Variants in KHDC4 observed in about 807,000 individuals in gnomAD.
KHDC4 encodes KH domain containing 4, pre-mRNA splicing factor, also known as KH homology domain-containing protein 4.
A neutral mutation model predicts 74.5 loss-of-function variants in KHDC4; 19 were observed. That is an observed-to-expected ratio of 0.26 (90% CI 0.18 to 0.37). KHDC4 has a LOEUF of 0.37. Ranked by LOEUF, KHDC4 falls within the 10% of genes least tolerant of loss-of-function variation. The pLI, the probability that KHDC4 is intolerant of heterozygous loss-of-function variation, is 1.00. For synonymous variants in KHDC4, 253 were observed against 266.1 expected (o/e 0.95, Z 0.48); for missense variants, 632 against 754.1 (o/e 0.84, Z 1.90).
intron 7 of KHDC4, among the ~76,000 whole-genome samples, chr1:155,924,574 CTTTTTT>C (rs550965042): frequency 7.6e-6 from 1 of 132,292 alleles, no homozygotes; most frequent in African/African-American, 2.8e-5. Flanking sequence ...AATAATTTCT[CTTTTTT>C]TTTTTTTTTT....
chr1:155,926,983 C>T (rs1377083124), intron 5 of KHDC4, 121 bp downstream of exon 5: 5 of 1,302,276 alleles, frequency 3.8e-6, no homozygotes, highest in South Asian at 1.2e-5. Context: ...CATACAAATT[C>T]GTGTATAGTT....
chr1:155,921,927 G>A lies in KHDC4; in HGVS notation c.955-9C>T. On this transcript the variant is annotated splice_polypyrimidine_tract_variant and intron_variant, in intron 8 of 13. Transcript: ENST00000368321. Reference sequence around the variant, plus strand: ...GAGTATTCAGCATGAACCTGAAAGAGAGGGGGAAACAAATTAACATGGGAC... The same window carrying A: ...GAGTATTCAGCATGAACCTGAAAGAAAGGGGGAAACAAATTAACATGGGAC... 3 of 1,595,368 alleles carry A rather than the reference G, an allele frequency of 1.9e-6. No individual in the cohort carries two copies. The highest frequency in any genetic ancestry group is 2.6e-6 in the Non-Finnish European group (3 of 1,164,250).
chr1:155,913,526 A>T lies in KHDC4; in HGVS notation c.*595T>A, dbSNP rs1477714841. 1.3e-5 allele frequency: 2 copies of T among 152,526 alleles called. No individual in the cohort carries two copies. Among genetic ancestry groups the T allele is most frequent in the Non-Finnish European group, 2.9e-5 (2 of 68,172 alleles). 9.4% of individuals were successfully genotyped at this position (152,526 alleles called of 1,614,324 possible). A position where few individuals can be genotyped will look rare whatever the true frequency, so the allele number is the denominator to read the frequency against. On this transcript the variant is annotated 3_prime_UTR_variant, in exon 14 of 14. Transcript: ENST00000368321. ...CAGCTTTGGATCACCCCAATTAAAA[A>T]ACACAATGAAAAAATAATTTCATTT...
intron 10 of KHDC4, among the ~76,000 whole-genome samples, chr1:155,918,971 G>GTTTTTTTTTTTTTTTTTTTTTTTTTTTT (rs66693073): frequency 9.3e-6 from 1 of 107,444 alleles, no homozygotes. Context: ...CTAACTCCCA[G>GTTTTTTTTTTTTTTTTTTTTTTTTTTTT]TTTTTTTTTT....
chr1:155,915,967 A>G lies in KHDC4; in HGVS notation c.1554-3T>C. 6.4e-7 allele frequency: 1 copy of G among 1,559,328 alleles called. No individual in the cohort carries two copies. The highest frequency in any genetic ancestry group is 1.2e-5 in the South Asian group (1 of 84,260). ...AGGCTGGTGGAGGCATCAACTGCCT[A>G]TTGAAAAACAAAATGAAACTTTCTT... is the stretch of plus-strand genomic sequence containing the variant. On this transcript the variant is annotated splice_region_variant and splice_polypyrimidine_tract_variant and intron_variant, in intron 12 of 13. Coordinates refer to ENST00000368321, the MANE Select transcript of KHDC4 (RefSeq NM_014949.4).
At chr1:155,931,049 C>T (rs1674130167) in intron 2 of KHDC4, among the ~76,000 whole-genome samples, 1 of 151,726 alleles carries the variant, frequency 6.6e-6, no homozygotes, top group Non-Finnish European at 1.5e-5. Flanking sequence ...AGGCTGGGAC[C>T]GGTGGCTCAC....
At chr1:155,933,547 G>A in intron 2 of KHDC4, 86 bp downstream of exon 2, 1 of 1,045,966 alleles carries the variant, frequency 9.6e-7, no homozygotes, top group Non-Finnish European at 1.4e-6. Flanking sequence ...GCCTCCCAAA[G>A]TGCTGGGATT....
intron 2 of KHDC4, 44 bp from the exon 3 acceptor site, chr1:155,929,884 T>TAA: frequency 7.4e-7 from 1 of 1,349,198 alleles, no homozygotes; most frequent in Non-Finnish European, 9.9e-7. Context: ...TATGATGAGA[T>TAA]AAAGTCTATT....
chr1:155,917,358 T>C, intron 11 of KHDC4, 141 bp downstream of exon 11: 2 of 737,274 alleles, frequency 2.7e-6, no homozygotes, highest in Non-Finnish European at 4.6e-6. Context: ...GTCTGTTGAA[T>C]AGGATAAAAA....
At chr1:155,916,929 G>T (rs947606006) in intron 11 of KHDC4, 192 bp from the exon 12 acceptor site, 1 of 480,036 alleles carries the variant, frequency 2.1e-6, no homozygotes, top group East Asian at 3.5e-5. Context: ...ATAGGACTTG[G>T]ACAGGGGTGT....
chr1:155,923,853 T>C, intron 7 of KHDC4, among the ~76,000 whole-genome samples, 166 bp from the exon 8 acceptor site: 1 of 152,208 alleles, frequency 6.6e-6, no homozygotes, highest in East Asian at 1.9e-4. Flanking sequence ...CATAAGTCTT[T>C]TAAGATATAA....
intron 7 of KHDC4, among the ~76,000 whole-genome samples, chr1:155,924,631 T>C (rs113498767): frequency 6.7e-6 from 1 of 149,716 alleles, no homozygotes; most frequent in Admixed American, 6.8e-5. Flanking sequence ...TGGAGTGCAA[T>C]GGAGCAGTCT....
intron 7 of KHDC4, among the ~76,000 whole-genome samples, chr1:155,924,879 T>C (rs549346351): frequency 6.6e-6 from 1 of 151,556 alleles, no homozygotes; most frequent in African/African-American, 2.4e-5. Context: ...TGGTTTTTTT[T>C]TTAAGACAGG....
At chr1:155,930,824 G>T (rs1674124851) in intron 2 of KHDC4, among the ~76,000 whole-genome samples, 1 of 152,110 alleles carries the variant, frequency 6.6e-6, no homozygotes, top group African/African-American at 2.4e-5. Context: ...TGATCAGCCT[G>T]GTCAACATGG....
chr1:155,931,315 AAGAC>A (rs952795423), intron 2 of KHDC4, among the ~76,000 whole-genome samples: 3 of 151,378 alleles, frequency 2.0e-5, no homozygotes, highest in African/African-American at 7.3e-5. Context: ...AAAAGACAGA[AAGAC>A]AGAAAGAAAG....
Position 155,924,402 on chromosome 1 carries a change from C to T in KHDC4, c.894-715G>A, listed in dbSNP as rs192788705. On this transcript the variant is annotated intron_variant, in intron 7 of 13. Coordinates refer to ENST00000368321, the MANE Select transcript of KHDC4 (RefSeq NM_014949.4). ...TTTTTTGTTTTATTTTTAGTAGAAA[C>T]GGGATTTCACTGTATTAGCCAGGAT... is the stretch of plus-strand genomic sequence containing the variant. Among the ~76,000 whole-genome samples, 655 of 151,338 alleles carry T rather than the reference C, an allele frequency of 4.3e-3. 3 individuals are homozygous for T. The highest frequency in any genetic ancestry group is 0.01 in the Middle Eastern group (3 of 290).
At chr1:155,926,059 T>A (rs1557969779) in intron 6 of KHDC4, 1 of 728,396 alleles carries the variant, frequency 1.4e-6, no homozygotes, top group Admixed American at 1.7e-5. Flanking sequence ...TCTTACTTCA[T>A]CAGACTCAGC....
At chr1:155,925,280 C>T (rs1331342738) in intron 7 of KHDC4, among the ~76,000 whole-genome samples, 1 of 152,020 alleles carries the variant, frequency 6.6e-6, no homozygotes. Flanking sequence ...ATCCACCCGC[C>T]TCGGCCTCCC....
intron 13 of KHDC4, chr1:155,915,124 CTTTCTT>C: frequency 7.0e-6 from 1 of 142,372 alleles, no homozygotes; most frequent in Middle Eastern, 3.5e-3. Flanking sequence ...TTCTCTTTCT[CTTTCTT>C]TTTTTTTGAG....
Sources: gnomAD v4.1 joint callset for allele counts (sites outside exome capture counted in the v4.1 genomes callset) on GRCh38, gnomAD v4.1.1 for gene constraint, MANE v1.5 for transcripts, NCBI Gene and HGNC (gene_info 2026-07-23, HGNC 2026-07-21) for gene names.